Variants in SULT4A1 observed in about 807,000 individuals in gnomAD.
The protein encoded by SULT4A1 is sulfotransferase family 4A member 1, also known as sulfotransferase 4A1.
Under a neutral mutation model 35.2 loss-of-function variants are expected in SULT4A1, and 11 were observed. The ratio of observed to expected loss-of-function variants is 0.31; its 90% confidence interval spans 0.20 to 0.52. The LOEUF is 0.52. Among genes scored for constraint, SULT4A1 ranks in the 20% least tolerant of loss-of-function variants. SULT4A1 has a pLI of 0.97. For synonymous variants in SULT4A1, 152 were observed against 151.8 expected (o/e 1.00, Z -0.01); for missense variants, 271 against 383.7 (o/e 0.71, Z 2.45).
At chr22:43,856,105 G>A (rs2049398743) in intron 1 of SULT4A1, among the ~76,000 whole-genome samples, 1 of 152,230 alleles carries the variant, frequency 6.6e-6, no homozygotes, top group African/African-American at 2.4e-5. Context: ...AGGTGCTCAG[G>A]AGAAAGAGTT....
chr22:43,862,338 G>C lies in SULT4A1; in HGVS notation c.45C>G (p.Phe15Leu), dbSNP rs1183877631. ...EAETPSTPGE[F>L]ESKYFEFHGV... Reference sequence around the variant, plus strand: ...CATGGAACTCGAAGTACTTGCTCTCGAACTCCCCCGGGGTGCTGGGGGTCT... The same window carrying C: ...CATGGAACTCGAAGTACTTGCTCTCCAACTCCCCCGGGGTGCTGGGGGTCT... The change falls in exon 1 of 7, where the codon TTC becomes TTG. Residue 15 changes from phenylalanine to leucine, a missense_variant. Physicochemically the swap from Phe to Leu is conservative, Grantham distance 22. Around this residue, in one of 3 missense-constraint regions of SULT4A1, gnomAD observed 164 missense variants for 254.1 expected, o/e 0.65. Coordinates refer to ENST00000330884, the MANE Select transcript of SULT4A1 (RefSeq NM_014351.4). The C allele has an allele frequency of 2.6e-6, 4 of 1,547,688 alleles. No homozygotes were observed. In the South Asian group the frequency reaches 4.6e-5, roughly 18 times the overall value.
In SULT4A1 at chr22:43,833,677, G is replaced by A. The variant is rs1390331172; in HGVS notation, c.566C>T (p.Ser189Leu). 8.2e-6 allele frequency: 13 copies of A among 1,594,238 alleles called. No individual in the cohort carries two copies. The highest frequency in any genetic ancestry group is 4.5e-5 in the South Asian group (4 of 88,030). The change falls in exon 5 of 7, where the codon TCG becomes TTG. Residue 189 changes from serine to leucine, a missense_variant. Physicochemically the swap from Ser to Leu is moderately radical, Grantham distance 145. Transcript: ENST00000330884. ...TTCATACTTGAGAAAAAGCACGTTC[G>A]AGTCCATGCGGTGCTCCCAGAACTC... ...VQEFWEHRMD[S>L]NVLFLKYEDM...
chr22:43,839,618 C>G (rs2063408287), intron 3 of SULT4A1, among the ~76,000 whole-genome samples: 2 of 152,080 alleles, frequency 1.3e-5, no homozygotes, highest in Non-Finnish European at 2.9e-5. Context: ...ACAAAAAAAC[C>G]CCACAGGCCT....
Position 43,862,387 on chromosome 22 carries a change from C to CCGCCGT in SULT4A1, c.-11_-6dup, listed in dbSNP as rs761105330. On this transcript the variant is annotated 5_prime_UTR_variant, in exon 1 of 7. Transcript: ENST00000330884. ...CTCGGCCTCGCTCTCCGCCATGCCGCCGCCGTCGCCGTCGCCGCCGCCGCC... is the reference window on the plus strand; with the variant it reads ...CTCGGCCTCGCTCTCCGCCATGCCGCCGCCGTCGCCGTCGCCGTCGCCGCCGCCGCC... 63 of 1,302,340 alleles carry CCGCCGT rather than the reference C, an allele frequency of 4.8e-5. No individual in the cohort carries two copies. The highest frequency in any genetic ancestry group is 1.2e-4 in the African/African-American group (8 of 65,064). 80.7% of individuals were successfully genotyped at this position (1,302,340 alleles called of 1,614,324 possible).
chr22:43,829,018 G>A, intron 6 of SULT4A1, 42 bp downstream of exon 6: 2 of 1,487,654 alleles, frequency 1.3e-6, no homozygotes, highest in Non-Finnish European at 1.8e-6. Context: ...AGCCTGGCTG[G>A]GGTGGGGAGT....
chr22:43,842,690 A>G (rs973277908), intron 1 of SULT4A1, among the ~76,000 whole-genome samples: 3 of 152,166 alleles, frequency 2.0e-5, no homozygotes, highest in African/African-American at 7.2e-5. Context: ...TGTATGTCCC[A>G]TTGGCATGAG....
At chr22:43,831,215 T>G (rs1022902341) in intron 5 of SULT4A1, among the ~76,000 whole-genome samples, 4 of 151,352 alleles carry the variant, frequency 2.6e-5, no homozygotes, top group African/African-American at 9.7e-5. Context: ...TGGAGTAAAG[T>G]GTGTGTTTGG....
intron 4 of SULT4A1, 119 bp downstream of exon 4, chr22:43,838,748 G>T: frequency 7.1e-7 from 1 of 1,403,002 alleles, no homozygotes; most frequent in Non-Finnish European, 9.8e-7. Flanking sequence ...CCGCGGGCCT[G>T]ACCTACATGG....
chr22:43,837,197 G>A (rs2063384261), intron 4 of SULT4A1, among the ~76,000 whole-genome samples: 1 of 152,236 alleles, frequency 6.6e-6, no homozygotes, highest in Non-Finnish European at 1.5e-5. Flanking sequence ...AATGAAGGAC[G>A]GAGCACAGGG....
At chr22:43,831,719 C>T (rs939432673) in intron 5 of SULT4A1, among the ~76,000 whole-genome samples, 2 of 152,242 alleles carry the variant, frequency 1.3e-5, no homozygotes, top group Non-Finnish European at 2.9e-5. Context: ...GAGTTCCACA[C>T]CTGACAGGTT....
chr22:43,824,520 G>C lies in SULT4A1; in HGVS notation c.*1481C>G, dbSNP rs1459054237. 6.6e-6 allele frequency: 1 copy of C among 152,054 alleles called. No homozygotes were observed. Among genetic ancestry groups the C allele is most frequent in the Non-Finnish European group, 1.5e-5 (1 of 68,054 alleles). 9.4% of individuals were successfully genotyped at this position (152,054 alleles called of 1,614,324 possible). On this transcript the variant is annotated 3_prime_UTR_variant, in exon 7 of 7. Coordinates refer to ENST00000330884, the MANE Select transcript of SULT4A1 (RefSeq NM_014351.4). ...ACGCTCGACGCAACGCCGGGAACAT[G>C]TCTTTATTAAAGATGCAAGCAAGCA...
At chr22:43,861,251 A>C (rs2049464957) in intron 1 of SULT4A1, among the ~76,000 whole-genome samples, 1 of 152,186 alleles carries the variant, frequency 6.6e-6, no homozygotes, top group Non-Finnish European at 1.5e-5. Flanking sequence ...CCAAGCCTAC[A>C]GCTTTTCCTG....
At chr22:43,846,345 G>A (rs1410181241) in intron 1 of SULT4A1, among the ~76,000 whole-genome samples, 1 of 152,198 alleles carries the variant, frequency 6.6e-6, no homozygotes, top group Non-Finnish European at 1.5e-5. Context: ...CCCAGAAAAA[G>A]CCTGCAAATT....
chr22:43,852,332 TAG>T (rs1241041201), intron 1 of SULT4A1, among the ~76,000 whole-genome samples: 1 of 142,664 alleles, frequency 7.0e-6, no homozygotes, highest in Admixed American at 7.3e-5. Flanking sequence ...CACACCTGGC[TAG>T]GTTTTTTTTT....
chr22:43,857,963 T>C (rs2049420930), intron 1 of SULT4A1, among the ~76,000 whole-genome samples: 1 of 146,978 alleles, frequency 6.8e-6, no homozygotes, highest in African/African-American at 2.5e-5. Flanking sequence ...GGCAGGAGGA[T>C]TGCTTGAGCC....
intron 1 of SULT4A1, among the ~76,000 whole-genome samples, chr22:43,857,234 G>C (rs542547319): frequency 6.6e-6 from 1 of 151,850 alleles, no homozygotes; most frequent in African/African-American, 2.4e-5. Flanking sequence ...ACCCAAACTG[G>C]AACAAAAAGA....
intron 1 of SULT4A1, among the ~76,000 whole-genome samples, chr22:43,858,664 C>A (rs2049431149): frequency 1.3e-5 from 2 of 152,142 alleles, no homozygotes; most frequent in South Asian, 4.1e-4. Context: ...GCTCCCTCAT[C>A]TCAGAACAAA....
At chr22:43,841,093 C>A (rs563877001) in intron 2 of SULT4A1, among the ~76,000 whole-genome samples, 1 of 152,346 alleles carries the variant, frequency 6.6e-6, no homozygotes, top group South Asian at 2.1e-4. Context: ...GCCCTCGGCA[C>A]GGCAGTACGG....
chr22:43,838,090 G>A (rs2063391809), intron 4 of SULT4A1, among the ~76,000 whole-genome samples: 1 of 152,214 alleles, frequency 6.6e-6, no homozygotes, highest in African/African-American at 2.4e-5. Flanking sequence ...CTGGCCATGG[G>A]GAGCCCCCTC....
Sources: gnomAD v4.1 joint callset for allele counts (sites outside exome capture counted in the v4.1 genomes callset) on GRCh38, gnomAD v4.1.1 for gene constraint, gnomAD v4.1.1 regional missense constraint, MANE v1.5 for transcripts, NCBI Gene and HGNC (gene_info 2026-07-23, HGNC 2026-07-21) for gene names.